Variants in NKD1 observed in about 807,000 individuals in gnomAD.
NKD1 encodes the protein protein naked cuticle homolog 1.
In NKD1, 21 loss-of-function variants were observed where a neutral mutation model predicts 56.0. The ratio of observed to expected loss-of-function variants is 0.38; its 90% CI spans 0.27 to 0.54. NKD1 has a LOEUF of 0.54. Among genes scored for constraint, NKD1 ranks in the 20% least tolerant of loss-of-function variants. NKD1 has a pLI of 0.82. For synonymous variants in NKD1, 263 were observed against 265.7 expected (o/e 0.99, Z 0.10); for missense variants, 578 against 642.7 (o/e 0.90, Z 1.09).
chr16:50,612,123 A>G (rs929161751), intron 4 of NKD1, among the ~76,000 whole-genome samples: 1 of 152,224 alleles, frequency 6.6e-6, no homozygotes, highest in Non-Finnish European at 1.5e-5. Context: ...TCACTGAAGA[A>G]GGAAAGTCAA....
In NKD1 at chr16:50,603,085, C is replaced by T. The variant is rs111311054; in HGVS notation, c.193-5209C>T. On this transcript the variant is annotated intron_variant, in intron 3 of 9. Coordinates refer to ENST00000268459, the MANE Select transcript of NKD1 (RefSeq NM_033119.5). ...AAACTGATGTTAGTGCTTCCAGCTT[C>T]GCATCAGACACCATCCTAGGCATGT... Among the ~76,000 whole-genome samples, 552 of 152,328 alleles carry T rather than the reference C, an allele frequency of 3.6e-3. 8 individuals carry two copies. Among genetic ancestry groups the T allele is most frequent in the African/African-American group, 0.012 (500 of 41,566 alleles).
intron 3 of NKD1, chr16:50,557,578 C>T (rs1960531183): frequency 6.6e-6 from 1 of 152,226 alleles, no homozygotes; most frequent in Non-Finnish European, 1.5e-5. Context: ...AATTTTGTCA[C>T]ATGCTGTTGG....
chr16:50,550,692 C>CCG (rs1333062780), intron 3 of NKD1, among the ~76,000 whole-genome samples: 3 of 152,028 alleles, frequency 2.0e-5, no homozygotes, highest in African/African-American at 7.2e-5. Flanking sequence ...TCTTGGTGGG[C>CCG]GGGGGGCACT....
At chr16:50,600,080 C>G (rs548394237) in intron 3 of NKD1, among the ~76,000 whole-genome samples, 1 of 152,252 alleles carries the variant, frequency 6.6e-6, no homozygotes, top group East Asian at 1.9e-4. Context: ...AGCCTGACCA[C>G]TGTGGGGGCC....
intron 3 of NKD1, among the ~76,000 whole-genome samples, chr16:50,561,971 T>G (rs980877939): frequency 2.6e-5 from 4 of 152,104 alleles, no homozygotes; most frequent in African/African-American, 9.7e-5. Context: ...CTTGGTGAAG[T>G]GACAGCAGAG....
chr16:50,618,476 A>G (rs1021244357), intron 4 of NKD1, among the ~76,000 whole-genome samples: 5 of 152,178 alleles, frequency 3.3e-5, no homozygotes, highest in African/African-American at 1.2e-4. Flanking sequence ...TTTCTTCTGC[A>G]CAGGGCTGGC....
chr16:50,582,923 C>T (rs539630936), intron 3 of NKD1, among the ~76,000 whole-genome samples: 1 of 152,266 alleles, frequency 6.6e-6, no homozygotes, highest in South Asian at 2.1e-4. Context: ...AGGAGAATTG[C>T]TTGAACCCTG....
chr16:50,592,651 G>T (rs1226041208), intron 3 of NKD1, among the ~76,000 whole-genome samples: 2 of 152,346 alleles, frequency 1.3e-5, no homozygotes, highest in African/African-American at 2.4e-5. Flanking sequence ...CTGCAAGGAG[G>T]ATGCAGAGTG....
chr16:50,627,901 C>T (rs374907193), intron 6 of NKD1, among the ~76,000 whole-genome samples: 2 of 152,142 alleles, frequency 1.3e-5, no homozygotes, highest in African/African-American at 4.8e-5. Flanking sequence ...ATGAAGTGAG[C>T]GGCCATCAGC....
chr16:50,549,001 C>T, intron 2 of NKD1: 1 of 875,646 alleles, frequency 1.1e-6, no homozygotes, highest in Non-Finnish European at 1.4e-6. Flanking sequence ...GCCCTCGGCT[C>T]TCACGGCACC....
intron 3 of NKD1, chr16:50,575,507 C>A (rs368697901): frequency 1.4e-5 from 4 of 290,276 alleles, no homozygotes; most frequent in African/African-American, 6.8e-5. Context: ...ATAACGTGGG[C>A]CTCCCTTTCC....
At chr16:50,574,953 T>C in intron 3 of NKD1, 3 of 985,024 alleles carry the variant, frequency 3.0e-6, no homozygotes, top group Non-Finnish European at 2.4e-6. Context: ...AACATCAGAA[T>C]TGGCTTAGGG....
chr16:50,585,469 C>G (rs975067532), intron 3 of NKD1, among the ~76,000 whole-genome samples: 14 of 152,308 alleles, frequency 9.2e-5, no homozygotes, highest in Non-Finnish European at 1.9e-4. Flanking sequence ...CATCCTGGGC[C>G]TTGGAAGAAT....
At chr16:50,589,984 A>G (rs1961329557) in intron 3 of NKD1, among the ~76,000 whole-genome samples, 2 of 151,952 alleles carry the variant, frequency 1.3e-5, no homozygotes, top group Admixed American at 6.6e-5. Flanking sequence ...AGTAGCTGGG[A>G]CTACAGTTGC....
At position 50,640,788 on chromosome 16, in the gene NKD1, G is replaced by GA. The variant is rs1348080638; in HGVS notation, c.*7009dup. 7 of 151,984 alleles carry GA rather than the reference G, an allele frequency of 4.6e-5. No individual in the cohort carries two copies. In the East Asian group the frequency reaches 1.4e-3, roughly 29 times the overall value. The allele number at this position is 151,984 out of a possible 1,614,324, so 9.4% of individuals were successfully genotyped here. On this transcript the variant is annotated 3_prime_UTR_variant, in exon 10 of 10. Coordinates refer to ENST00000268459, the MANE Select transcript of NKD1 (RefSeq NM_033119.5). ...TTGCTAAATAAGGATATTAGAAAAA[G>GA]AATAGAAAATTGCAGTCCCTTACTG... is the stretch of plus-strand genomic sequence containing the variant.
rs71928407 is a variant in NKD1, at chr16:50,623,725, C to CTGTGTGTGTGTGTGTG, written c.367-1736_367-1721dup. Among the ~76,000 whole-genome samples the CTGTGTGTGTGTGTGTG allele has an allele frequency of 2.1e-4, 30 of 141,632 alleles. No individual in the cohort carries two copies. The highest frequency in any genetic ancestry group is 6.3e-4 in the East Asian group (3 of 4,738). The allele number at this position is 141,632 out of a possible 152,430, so 92.9% of individuals were successfully genotyped here. A position where few individuals can be genotyped will look rare whatever the true frequency, so the allele number is the denominator to read the frequency against. On this transcript the variant is annotated intron_variant, in intron 5 of 9. Transcript: ENST00000268459. The surrounding 1 kb of genome is among the most constrained non-coding windows in gnomAD (Gnocchi z 4.1). ...AAGCTGTCTTGGAAACAGGTAAGTG[C>CTGTGTGTGTGTGTGTG]TGTGTGTGTGTGTGTGTGTGTGTGT...
intron 4 of NKD1, among the ~76,000 whole-genome samples, chr16:50,615,306 G>A (rs1471026726): frequency 6.6e-6 from 1 of 152,214 alleles, no homozygotes; most frequent in Non-Finnish European, 1.5e-5. Flanking sequence ...TGCTGATGAT[G>A]CAGCACCTAT....
intron 3 of NKD1, among the ~76,000 whole-genome samples, chr16:50,582,172 C>G (rs1163833425): frequency 6.6e-6 from 1 of 152,154 alleles, no homozygotes; most frequent in African/African-American, 2.4e-5. Context: ...CTAATTAGTC[C>G]ATTAGAGTCA....
chr16:50,580,492 T>C (rs762085175), intron 3 of NKD1, among the ~76,000 whole-genome samples: 3 of 152,160 alleles, frequency 2.0e-5, no homozygotes, highest in Non-Finnish European at 4.4e-5. Flanking sequence ...AGAATAAGGG[T>C]ACTCAAACCC....
Sources: allele counts gnomAD v4.1 joint callset (sites outside exome capture counted in the v4.1 genomes callset), GRCh38; gene constraint gnomAD v4.1.1; non-coding constraint Gnocchi (gnomAD v3.1); transcripts MANE v1.5; gene names NCBI Gene and HGNC (gene_info 2026-07-23, HGNC 2026-07-21).